The following WDFY2 variants were observed in gnomAD, a reference collection of about 807,000 sequenced individuals.
The protein encoded by WDFY2 is WD repeat and FYVE domain containing 2, also known as WD repeat and FYVE domain-containing protein 2.
WDFY2 carries 36 observed loss-of-function variants against 56.4 expected under a neutral mutation model. The observed-to-expected ratio is 0.64, with a 90% CI of 0.49 to 0.84. The LOEUF (loss-of-function observed/expected upper bound fraction) is 0.84. Among genes scored for constraint, WDFY2 ranks in the 40% least tolerant of loss-of-function variants. WDFY2 has a pLI of 0.00. For missense variants in WDFY2, 444 were observed against 512.2 expected, an observed-to-expected ratio of 0.87 and a Z score of 1.29; for synonymous variants, 176 against 183.7, an observed-to-expected ratio of 0.96 and a Z score of 0.34.
At chr13:51,675,040 G>A in intron 2 of WDFY2, 130 bp from the exon 3 acceptor site, 1 of 728,832 alleles carries the variant, frequency 1.4e-6, no homozygotes, top group Admixed American at 2.5e-5. Flanking sequence ...TTGGTGAGTG[G>A]ATGTTAAATG....
intron 1 of WDFY2, among the ~76,000 whole-genome samples, chr13:51,653,772 G>C (rs559164059): frequency 2.2e-4 from 31 of 138,502 alleles, no homozygotes; most frequent in African/African-American, 8.4e-4. Context: ...TGGAAGTTTT[G>C]TCTCAGAGGA....
At chr13:51,643,311 T>C (rs1337716918) in intron 1 of WDFY2, among the ~76,000 whole-genome samples, 1 of 152,158 alleles carries the variant, frequency 6.6e-6, no homozygotes, top group African/African-American at 2.4e-5. Context: ...TTAATCCATC[T>C]CAGATTCAGA....
chr13:51,614,722 G>A (rs1204773497), intron 1 of WDFY2, among the ~76,000 whole-genome samples: 1 of 152,182 alleles, frequency 6.6e-6, no homozygotes, highest in African/African-American at 2.4e-5. Flanking sequence ...GTGTCACATT[G>A]CCACCCGTAG....
intron 1 of WDFY2, among the ~76,000 whole-genome samples, chr13:51,619,433 C>CAAAAAAAAAAAAAAAAAAAAA (rs5803565): frequency 7.4e-6 from 1 of 135,812 alleles, no homozygotes; most frequent in African/African-American, 2.7e-5. Flanking sequence ...ACACTATCTC[C>CAAAAAAAAAAAAAAAAAAAAA]AAAAAAAAAA....
chr13:51,748,949 C>T (rs1953165118), intron 7 of WDFY2, among the ~76,000 whole-genome samples: 1 of 152,098 alleles, frequency 6.6e-6, no homozygotes, highest in Admixed American at 6.5e-5. Flanking sequence ...CCCTTTTCAT[C>T]TTCATTCTCT....
chr13:51,606,901 A>T (rs1476389793), intron 1 of WDFY2, among the ~76,000 whole-genome samples: 1 of 152,216 alleles, frequency 6.6e-6, no homozygotes, highest in Non-Finnish European at 1.5e-5. Flanking sequence ...TGAATGGACA[A>T]GATAATTTAT....
At chr13:51,588,835 A>G (rs1396615096) in intron 1 of WDFY2, 1 of 152,228 alleles carries the variant, frequency 6.6e-6, no homozygotes, top group African/African-American at 2.4e-5. Context: ...AGCAAAAATT[A>G]CTGAACCCTT....
rs562584715 is a variant in WDFY2 at position 51,666,394 on chromosome 13, G to A, written c.205+5731G>A. ...AATATTTTTCAGACACGAGGGCCAGGAACTCTTTGCTCTCTCAAAGGCAGA... is the reference window on the plus strand; with the variant it reads ...AATATTTTTCAGACACGAGGGCCAGAAACTCTTTGCTCTCTCAAAGGCAGA... On this transcript the variant is annotated intron_variant, in intron 2 of 11. Transcript: ENST00000298125. Among the ~76,000 whole-genome samples, 24 of 152,306 alleles carry A rather than the reference G, an allele frequency of 1.6e-4. No individual in the cohort carries two copies. In the East Asian group the frequency reaches 4.2e-3, roughly 27 times the overall value.
intron 3 of WDFY2, among the ~76,000 whole-genome samples, chr13:51,699,222 A>C (rs1209022674): frequency 6.6e-6 from 1 of 152,222 alleles, no homozygotes; most frequent in African/African-American, 2.4e-5. Flanking sequence ...AATTAGATTC[A>C]TGTGGAGCTA....
At chr13:51,698,101 CAAG>C (rs1951913375) in intron 3 of WDFY2, among the ~76,000 whole-genome samples, 4 of 152,168 alleles carry the variant, frequency 2.6e-5, no homozygotes, top group Non-Finnish European at 5.9e-5. Context: ...GATCATTTAA[CAAG>C]TATGTGTTTT....
At chr13:51,607,385 T>A (rs1158585513) in intron 1 of WDFY2, among the ~76,000 whole-genome samples, 1 of 152,238 alleles carries the variant, frequency 6.6e-6, no homozygotes, top group Non-Finnish European at 1.5e-5. Flanking sequence ...CAGATCGTGT[T>A]TGCTAATGTC....
intron 2 of WDFY2, among the ~76,000 whole-genome samples, chr13:51,663,490 G>A (rs779380442): frequency 5.9e-5 from 9 of 152,254 alleles, no homozygotes; most frequent in Non-Finnish European, 1.3e-4. Flanking sequence ...CTGTGTAGAG[G>A]TGAAAAAGAA....
At chr13:51,666,510 G>A (rs998733720) in intron 2 of WDFY2, among the ~76,000 whole-genome samples, 2 of 152,194 alleles carry the variant, frequency 1.3e-5, no homozygotes, top group African/African-American at 4.8e-5. Flanking sequence ...GAGCAGGGAG[G>A]TGGAGAAGAG....
Position 51,763,804 on chromosome 13 carries a change from C to T in WDFY2, c.*4035C>T, listed in dbSNP as rs895487584. ...CAGAGCAAGGCCCTGAATAAATAAACAAAAGTATAATTTATTTTTGCCTGA... is the reference window on the plus strand; with the variant it reads ...CAGAGCAAGGCCCTGAATAAATAAATAAAAGTATAATTTATTTTTGCCTGA... On this transcript the variant is annotated 3_prime_UTR_variant, in exon 12 of 12. Coordinates refer to ENST00000298125, the MANE Select transcript of WDFY2 (RefSeq NM_052950.4). 6.6e-6 allele frequency: 1 copy of T among 152,200 alleles called. No individual in the cohort carries two copies. Among genetic ancestry groups the T allele is most frequent in the Non-Finnish European group, 1.5e-5 (1 of 68,032 alleles). 9.4% of individuals were successfully genotyped at this position (152,200 alleles called of 1,614,324 possible). A position where few individuals can be genotyped will look rare whatever the true frequency, so the allele number is the denominator to read the frequency against.
chr13:51,601,597 T>C (rs900409922), intron 1 of WDFY2, among the ~76,000 whole-genome samples: 6 of 152,108 alleles, frequency 3.9e-5, no homozygotes, highest in Admixed American at 2.0e-4. Flanking sequence ...GTATTTTTAG[T>C]ACAGACGGGG....
intron 3 of WDFY2, among the ~76,000 whole-genome samples, chr13:51,697,475 A>G (rs1409888032): frequency 6.6e-6 from 1 of 152,064 alleles, no homozygotes; most frequent in East Asian, 1.9e-4. Context: ...TCTACAAAAA[A>G]TACAAAAATT....
intron 1 of WDFY2, chr13:51,591,538 G>T (rs1019440059): frequency 6.6e-6 from 1 of 152,114 alleles, no homozygotes; most frequent in African/African-American, 2.4e-5. Context: ...GCATTGCTAC[G>T]CAAGACTGAC....
intron 1 of WDFY2, among the ~76,000 whole-genome samples, chr13:51,647,783 A>C (rs971149569): frequency 2.0e-5 from 3 of 151,854 alleles, no homozygotes; most frequent in Non-Finnish European, 4.4e-5. Context: ...AAAAAAAAAA[A>C]AAAACCTTAT....
At chr13:51,726,876 T>A (rs1269680913) in intron 5 of WDFY2, among the ~76,000 whole-genome samples, 2 of 152,242 alleles carry the variant, frequency 1.3e-5, no homozygotes, top group African/African-American at 2.4e-5. Flanking sequence ...TATTAGAGAT[T>A]TGGGCCCTTT....
Sources: gnomAD v4.1 joint callset for allele counts (sites outside exome capture counted in the v4.1 genomes callset) on GRCh38, gnomAD v4.1.1 for gene constraint, MANE v1.5 for transcripts, NCBI Gene and HGNC (gene_info 2026-07-23, HGNC 2026-07-21) for gene names.